The following COG3 variants were observed in gnomAD, a reference collection of about 807,000 sequenced individuals.
COG3 encodes conserved oligomeric Golgi complex subunit 3.
In COG3, 32 loss-of-function variants were observed where a neutral mutation model predicts 114.1. The ratio of observed to expected loss-of-function variants is 0.28; its 90% CI spans 0.21 to 0.38. The LOEUF (loss-of-function observed/expected upper bound fraction) is 0.38. COG3 is among the 10% of genes least tolerant of loss of function. The pLI, the probability that COG3 is intolerant of heterozygous loss-of-function variation, is 1.00. For synonymous variants in COG3, 352 were observed against 365.7 expected, an observed-to-expected ratio of 0.96 and a Z score of 0.43; for missense variants, 813 against 973.2, an observed-to-expected ratio of 0.84 and a Z score of 2.19.
At chr13:45,532,933 T>A (rs1449282412) in intron 22 of COG3, among the ~76,000 whole-genome samples, 1 of 151,908 alleles carries the variant, frequency 6.6e-6, no homozygotes, top group Non-Finnish European at 1.5e-5. Flanking sequence ...TGGGGGAAGA[T>A]CTACAAGGAG....
intron 19 of COG3, 87 bp downstream of exon 19, chr13:45,519,181 C>T: frequency 7.0e-7 from 1 of 1,434,170 alleles, no homozygotes; most frequent in African/African-American, 1.4e-5. Flanking sequence ...TAAACTCTGG[C>T]AGAAGGAGAT....
intron 14 of COG3, among the ~76,000 whole-genome samples, chr13:45,504,263 T>C (rs901844710): frequency 6.6e-6 from 1 of 152,226 alleles, no homozygotes; most frequent in African/African-American, 2.4e-5. Context: ...GTCAAGCAGC[T>C]GGATATTGCC....
At chr13:45,497,355 A>G (rs948995283) in intron 13 of COG3, among the ~76,000 whole-genome samples, 3 of 152,228 alleles carry the variant, frequency 2.0e-5, no homozygotes, top group African/African-American at 4.8e-5. Context: ...ATTTTCAAAT[A>G]TAAGCAAAAG....
At chr13:45,503,153 AAT>A (rs201483204) in intron 13 of COG3, 89 bp from the exon 14 acceptor site, 16 of 498,974 alleles carry the variant, frequency 3.2e-5, no homozygotes, top group South Asian at 8.6e-5. Context: ...TCAAGTTGAA[AAT>A]ATATATATAT....
intron 1 of COG3, among the ~76,000 whole-genome samples, chr13:45,466,783 G>T (rs546911264): frequency 6.6e-6 from 1 of 152,236 alleles, no homozygotes; most frequent in East Asian, 1.9e-4. Context: ...TTCTCATTGA[G>T]CATGAAGGAG....
chr13:45,535,865 C>T lies in COG3; in HGVS notation c.*1134C>T. The T allele has an allele frequency of 1.0e-6, 1 of 987,542 alleles. No homozygotes were observed. Among genetic ancestry groups the T allele is most frequent in the Non-Finnish European group, 1.2e-6 (1 of 830,078 alleles). The allele number at this position is 987,542 out of a possible 1,614,324, so 61.2% of individuals were successfully genotyped here. On this transcript the variant is annotated 3_prime_UTR_variant, in exon 23 of 23. Coordinates refer to ENST00000349995, the MANE Select transcript of COG3 (RefSeq NM_031431.4). ...GGTTTTGCCGCTGATGTTAAGGCAG[C>T]CAGCTTCTTAGTTCAAAAAGAATTC...
At chr13:45,483,633 A>AT (rs1331457650) in intron 7 of COG3, among the ~76,000 whole-genome samples, 1 of 152,202 alleles carries the variant, frequency 6.6e-6, no homozygotes, top group African/African-American at 2.4e-5. Context: ...CTCTTAAAAC[A>AT]TTCCTTTTCT....
chr13:45,490,154 A>C (rs1173487270), intron 8 of COG3, among the ~76,000 whole-genome samples: 1 of 152,204 alleles, frequency 6.6e-6, no homozygotes, highest in Non-Finnish European at 1.5e-5. Flanking sequence ...AAATTGGCAG[A>C]TTAAGGTCAG....
intron 1 of COG3, among the ~76,000 whole-genome samples, chr13:45,473,714 G>T (rs1462909806): frequency 6.6e-6 from 1 of 152,162 alleles, no homozygotes; most frequent in Non-Finnish European, 1.5e-5. Flanking sequence ...CATTGCTTCA[G>T]GTGGGTTATC....
chr13:45,523,447 A>G (rs1436068769), intron 19 of COG3, among the ~76,000 whole-genome samples: 5 of 152,294 alleles, frequency 3.3e-5, no homozygotes, highest in African/African-American at 9.6e-5. Flanking sequence ...TTATTGTGAG[A>G]CGATGGGTCT....
intron 2 of COG3, 131 bp from the exon 3 acceptor site, chr13:45,478,874 C>T (rs1470872398): frequency 1.5e-6 from 1 of 668,256 alleles, no homozygotes; most frequent in Non-Finnish European, 2.6e-6. Flanking sequence ...TGGCCTAAAA[C>T]TGATTATGTC....
intron 22 of COG3, among the ~76,000 whole-genome samples, chr13:45,533,083 G>T (rs1409360126): frequency 6.6e-6 from 1 of 151,940 alleles, no homozygotes. Context: ...TGTGGCGGGA[G>T]CTCATGGATG....
chr13:45,518,870 A>G lies in COG3; in HGVS notation c.2019+20A>G. 4 of 1,611,296 alleles carry G rather than the reference A, an allele frequency of 2.5e-6. No individual in the cohort carries two copies. The highest frequency in any genetic ancestry group is 3.4e-6 in the Non-Finnish European group (4 of 1,177,568). ...TTGGAGGTGAGAAGGAGTCTGTTTC[A>G]TTGGTGGTGGGAGATAAACGACATT... On this transcript the variant is annotated intron_variant, in intron 18 of 22. Coordinates refer to ENST00000349995, the MANE Select transcript of COG3 (RefSeq NM_031431.4).
chr13:45,474,151 C>CTTTTTTTTTTT (rs10558884), intron 1 of COG3, among the ~76,000 whole-genome samples: 9 of 82,014 alleles, frequency 1.1e-4, no homozygotes, highest in Admixed American at 3.0e-4. Flanking sequence ...CTTTTTTACT[C>CTTTTTTTTTTT]TTTTTTTTTT....
At chr13:45,512,092 T>G in intron 16 of COG3, 1 of 417,540 alleles carries the variant, frequency 2.4e-6, no homozygotes, top group South Asian at 3.6e-5. Context: ...TTACACATTC[T>G]ATAGAGTAAA....
At chr13:45,491,240 T>C (rs1170600961) in intron 9 of COG3, among the ~76,000 whole-genome samples, 172 bp from the exon 10 acceptor site, 1 of 152,220 alleles carries the variant, frequency 6.6e-6, no homozygotes. Flanking sequence ...CAGTTCATTA[T>C]GGTTTGCTTT....
intron 15 of COG3, among the ~76,000 whole-genome samples, chr13:45,511,158 GTTTTT>G (rs11352257): frequency 6.8e-6 from 1 of 147,650 alleles, no homozygotes; most frequent in Non-Finnish European, 1.5e-5. Flanking sequence ...TTGGTAACCT[GTTTTT>G]TTTTTTTTTA....
chr13:45,508,808 G>A (rs1870531210), intron 14 of COG3, among the ~76,000 whole-genome samples: 1 of 152,116 alleles, frequency 6.6e-6, no homozygotes, highest in African/African-American at 2.4e-5. Flanking sequence ...AGTCGCCAGA[G>A]TCTGCCTTTT....
At chr13:45,531,222 AC>A in intron 22 of COG3, 1 of 213,978 alleles carries the variant, frequency 4.7e-6, no homozygotes, top group Non-Finnish European at 8.2e-6. Context: ...ATTTTGGTGC[AC>A]CCATCACCCG....
Sources: gnomAD v4.1 joint callset for allele counts (sites outside exome capture counted in the v4.1 genomes callset) on GRCh38, gnomAD v4.1.1 for gene constraint, MANE v1.5 for transcripts, NCBI Gene and HGNC (gene_info 2026-07-23, HGNC 2026-07-21) for gene names.